The following GASK1B variants were observed in gnomAD, a reference collection of about 807,000 sequenced individuals.
GASK1B encodes golgi associated kinase 1B.
Under a neutral mutation model 42.8 loss-of-function variants are expected in GASK1B, and 34 were observed. That is an observed-to-expected ratio of 0.79 (90% CI 0.60 to 1.06). The LOEUF (loss-of-function observed/expected upper bound fraction) is 1.06. Among genes scored for constraint, GASK1B ranks in the 50% least tolerant of loss-of-function variants. The probability of loss-of-function intolerance (pLI) is 0.00; values close to 1 mark genes in which losing one functional copy is unlikely to be tolerated. For synonymous variants in GASK1B, 262 were observed against 259.1 expected (o/e 1.01, Z -0.11); for missense variants, 686 against 661.0 (o/e 1.04, Z -0.42).
At chr4:158,149,206 T>C (rs1731447198) in intron 3 of GASK1B, among the ~76,000 whole-genome samples, 1 of 152,192 alleles carries the variant, frequency 6.6e-6, no homozygotes, top group African/African-American at 2.4e-5. Flanking sequence ...AATTAGACCT[T>C]ATATTATGTC....
chr4:158,145,666 C>T (rs181654220), intron 3 of GASK1B, among the ~76,000 whole-genome samples: 2 of 152,238 alleles, frequency 1.3e-5, no homozygotes, highest in Non-Finnish European at 2.9e-5. Context: ...TTAATTATGG[C>T]ACCTGCTATA....
At chr4:158,141,915 G>GCTCC in intron 3 of GASK1B, among the ~76,000 whole-genome samples, 12 of 108,524 alleles carry the variant, frequency 1.1e-4, no homozygotes, top group Non-Finnish European at 1.4e-4. Flanking sequence ...CCGATGTTGT[G>GCTCC]GTTTCTTTTT....
chr4:158,168,178 T>G (rs746030269), intron 2 of GASK1B, among the ~76,000 whole-genome samples: 1 of 152,222 alleles, frequency 6.6e-6, no homozygotes, highest in Admixed American at 6.5e-5. Context: ...GGGATTTTAT[T>G]TATTAAATTG....
chr4:158,152,375 C>G (rs1352991155), intron 3 of GASK1B, among the ~76,000 whole-genome samples: 1 of 152,052 alleles, frequency 6.6e-6, no homozygotes, highest in African/African-American at 2.4e-5. Context: ...CAAAAAAGTC[C>G]AGAACCAGAT....
intron 4 of GASK1B, 26 bp from the exon 5 acceptor site, chr4:158,127,640 T>C (rs1480309298): frequency 1.1e-5 from 18 of 1,594,830 alleles, no homozygotes; most frequent in Non-Finnish European, 1.5e-5. Context: ...GATATTTCAA[T>C]CTTAGTAATT....
chr4:158,141,947 T>C (rs1300818241), intron 3 of GASK1B, among the ~76,000 whole-genome samples: 1 of 13,766 alleles, frequency 7.3e-5, no homozygotes, highest in Non-Finnish European at 2.0e-4. Context: ...TTTTTTTTTT[T>C]TTTTTTTTGA....
intron 3 of GASK1B, among the ~76,000 whole-genome samples, chr4:158,151,763 G>A (rs773315861): frequency 6.6e-5 from 10 of 152,140 alleles, no homozygotes; most frequent in Non-Finnish European, 1.5e-4. Context: ...TACAAACTCT[G>A]AACAGACCAA....
In GASK1B at chr4:158,127,437, G is replaced by A. The variant is rs149442120; in HGVS notation, c.1530C>T (p.His510=). Residue 510 remains histidine (H), a synonymous_variant, in exon 5 of 5, where the codon CAC becomes CAT. Transcript: ENST00000585682. ...CATTCATAGGTAATACTTTGACCCC[G>A]TGTGCATTGATATAGGTGATAAGAA... The part of the protein sequence containing the change: ...AKILITYINA[H]GVKVLPMNE 1.9e-3 allele frequency: 3,090 copies of A among 1,613,450 alleles called. 2 individuals are homozygous for A. Among genetic ancestry groups the A allele is most frequent in the Non-Finnish European group, 2.3e-3 (2,752 of 1,179,562 alleles).
At chr4:158,159,451 G>C in intron 2 of GASK1B, 1 of 414,052 alleles carries the variant, frequency 2.4e-6, no homozygotes, top group Non-Finnish European at 4.7e-6. Flanking sequence ...AATGAACCTG[G>C]ATGGATTTGA....
At chr4:158,157,880 G>A (rs1442043779) in intron 2 of GASK1B, among the ~76,000 whole-genome samples, 1 of 151,996 alleles carries the variant, frequency 6.6e-6, no homozygotes, top group African/African-American at 2.4e-5. Context: ...CTCATTTCAT[G>A]AAATATAGAA....
chr4:158,139,867 A>G (rs1424348769), intron 3 of GASK1B, among the ~76,000 whole-genome samples: 1 of 152,214 alleles, frequency 6.6e-6, no homozygotes, highest in Admixed American at 6.5e-5. Context: ...CCTCAAGACA[A>G]CCATTGCACT....
Position 158,170,845 on chromosome 4 carries a change from C to T in GASK1B, c.531G>A (p.Glu177=). ...AQGANLVKIG[E]RPWRLVRGPG... ...GACCCCGCACCAACCTCCAGGGTCG[C>T]TCTCCAATCTTAACCAGGTTTGCTC... The change falls in exon 2 of 5, where the codon GAG becomes GAA. Residue 177 remains glutamate (E), a synonymous_variant. Transcript: ENST00000585682. 6.2e-7 allele frequency: 1 copy of T among 1,614,238 alleles called. No homozygotes were observed.
intron 3 of GASK1B, among the ~76,000 whole-genome samples, chr4:158,143,601 A>T (rs1731218412): frequency 6.6e-6 from 1 of 152,206 alleles, no homozygotes; most frequent in African/African-American, 2.4e-5. Flanking sequence ...TTTGAGGAGC[A>T]TCAAAGTTCG....
Position 158,127,508 on chromosome 4 carries a change from G to T in GASK1B, c.1459C>A (p.Gln487Lys), listed in dbSNP as rs745929444. The T allele has an allele frequency of 2.5e-6, 4 of 1,613,610 alleles. No homozygotes were observed. Among genetic ancestry groups the T allele is most frequent in the African/African-American group, 2.7e-5 (2 of 74,886 alleles). ...KVYWESQGGR[Q>K]GIEKLIDVIE... ...ACATCGATAAGCTTTTCAATTCCTT[G>T]TCTACCTCCTTGACTTTCCCAATAC... Residue 487 changes from glutamine (Q) to lysine (K), a missense_variant, in exon 5 of 5, where the codon CAA (glutamine) becomes AAA (lysine). Physicochemically the swap from Gln to Lys is moderately conservative, Grantham distance 53. Transcript: ENST00000585682.
intron 3 of GASK1B, among the ~76,000 whole-genome samples, chr4:158,143,078 T>C (rs1731196109): frequency 6.6e-6 from 1 of 152,238 alleles, no homozygotes; most frequent in Non-Finnish European, 1.5e-5. Flanking sequence ...TGCTCAATTT[T>C]ATTTTGTGCG....
intron 3 of GASK1B, among the ~76,000 whole-genome samples, chr4:158,140,133 T>A (rs1560779935): frequency 1.3e-5 from 2 of 152,176 alleles, no homozygotes; most frequent in African/African-American, 4.8e-5. Flanking sequence ...ATTTAACCAC[T>A]ACTGCATATA....
chr4:158,147,340 C>A (rs1024068270), intron 3 of GASK1B, among the ~76,000 whole-genome samples: 1 of 151,932 alleles, frequency 6.6e-6, no homozygotes, highest in African/African-American at 2.4e-5. Context: ...GTGACTCATG[C>A]CTGTAATCCC....
chr4:158,136,159 C>T (rs539781043), intron 3 of GASK1B, among the ~76,000 whole-genome samples: 13 of 152,100 alleles, frequency 8.5e-5, no homozygotes, highest in South Asian at 6.2e-4. Context: ...CTGTGAGTGG[C>T]GCAATAGGAG....
chr4:158,129,899 C>T (rs1007422013), intron 4 of GASK1B, among the ~76,000 whole-genome samples: 1 of 152,174 alleles, frequency 6.6e-6, no homozygotes. Context: ...AATCTAGCCA[C>T]AATTTCCACT....
Sources: gnomAD v4.1 joint callset for allele counts (sites outside exome capture counted in the v4.1 genomes callset) on GRCh38, gnomAD v4.1.1 for gene constraint, MANE v1.5 for transcripts, NCBI Gene and HGNC (gene_info 2026-07-23, HGNC 2026-07-21) for gene names.